MYOF: variants seen among roughly 807,000 people sequenced by gnomAD.
The protein encoded by MYOF is fer-1-like 3, myoferlin.
In MYOF, 244 loss-of-function variants were observed where a neutral mutation model predicts 284.2. The ratio of observed to expected loss-of-function variants is 0.86; its 90% CI spans 0.77 to 0.95. The LOEUF (loss-of-function observed/expected upper bound fraction) is 0.95. Among genes scored for constraint, MYOF ranks in the 40% least tolerant of loss-of-function variants. MYOF has a pLI of 0.00. For missense variants in MYOF, 2,496 were observed against 2,560.6 expected (o/e 0.97, Z 0.54); for synonymous variants, 904 against 919.7 (o/e 0.98, Z 0.31).
Position 93,422,208 on chromosome 10 carries a change from A to G in MYOF, c.433+3863T>C, listed in dbSNP as rs535965521. 5.3e-5 allele frequency among the ~76,000 whole-genome samples: 8 copies of G among 152,340 alleles called. No individual in the cohort carries two copies. The East Asian group carries it at 1.2e-3, about 22-fold the overall frequency. ...AGACACAGCTCATTTGCAGACCAAC[A>G]CTTGGTGACCTTCTTTGTTTGAAAT... On this transcript the variant is annotated intron_variant, in intron 5 of 53. Coordinates refer to ENST00000359263, the MANE Select transcript of MYOF (RefSeq NM_013451.4).
At chr10:93,312,988 GA>G in intron 51 of MYOF, 31 bp downstream of exon 51, 2 of 1,573,202 alleles carry the variant, frequency 1.3e-6, no homozygotes, top group South Asian at 2.4e-5. Flanking sequence ...AGGCATAAAC[GA>G]TTTTCAACCA....
chr10:93,338,933 AAAAC>A (rs927442440), intron 39 of MYOF, among the ~76,000 whole-genome samples: 6 of 148,094 alleles, frequency 4.1e-5, no homozygotes, highest in South Asian at 2.1e-4. Flanking sequence ...GCCAAAAAAA[AAAAC>A]AAACAAAAAA....
chr10:93,327,918 C>T (rs535882692), intron 45 of MYOF, among the ~76,000 whole-genome samples: 49 of 152,004 alleles, frequency 3.2e-4, no homozygotes, highest in Non-Finnish European at 5.7e-4. Flanking sequence ...CCACCACACC[C>T]GGCTCTTCTG....
chr10:93,360,282 C>T (rs1419210649), intron 28 of MYOF, among the ~76,000 whole-genome samples: 1 of 152,226 alleles, frequency 6.6e-6, no homozygotes, highest in African/African-American at 2.4e-5. Flanking sequence ...GAAGAAACAG[C>T]AGGTAAGCGT....
chr10:93,351,400 C>G lies in MYOF; in HGVS notation c.3822+13G>C. 1 of 1,613,320 alleles carries G rather than the reference C, an allele frequency of 6.2e-7. No individual in the cohort carries two copies. Among genetic ancestry groups the G allele is most frequent in the Middle Eastern group, 1.7e-4 (1 of 6,054 alleles). On this transcript the variant is annotated intron_variant, in intron 34 of 53. Coordinates refer to ENST00000359263, the MANE Select transcript of MYOF (RefSeq NM_013451.4). Reference sequence around the variant, plus strand: ...AGCTGACAGAATACATGAGGAAGAACACAGCAATGTACCTTGCCCCTCAGA... The same window carrying G: ...AGCTGACAGAATACATGAGGAAGAAGACAGCAATGTACCTTGCCCCTCAGA...
intron 32 of MYOF, among the ~76,000 whole-genome samples, chr10:93,353,524 A>C (rs1284487541): frequency 1.3e-5 from 2 of 152,134 alleles, no homozygotes; most frequent in Non-Finnish European, 2.9e-5. Flanking sequence ...CATGTATATA[A>C]ACAGAGATGA....
intron 29 of MYOF, among the ~76,000 whole-genome samples, chr10:93,358,396 C>T (rs1265865671): frequency 6.6e-6 from 1 of 152,182 alleles, no homozygotes; most frequent in East Asian, 1.9e-4. Context: ...TGTGGCGATT[C>T]TTCAAAGACC....
intron 3 of MYOF, among the ~76,000 whole-genome samples, chr10:93,441,173 C>A (rs2056236365): frequency 6.6e-6 from 1 of 152,210 alleles, no homozygotes; most frequent in Non-Finnish European, 1.5e-5. Context: ...AGACCACCTT[C>A]TCCCACTGTC....
At chr10:93,332,768 A>AC (rs1843384512) in intron 43 of MYOF, among the ~76,000 whole-genome samples, 1 of 151,906 alleles carries the variant, frequency 6.6e-6, no homozygotes, top group Admixed American at 6.6e-5. Flanking sequence ...AATGGCGTGA[A>AC]CCCAGGAGGC....
chr10:93,332,186 A>C (rs928982055), intron 43 of MYOF, among the ~76,000 whole-genome samples: 1 of 151,426 alleles, frequency 6.6e-6, no homozygotes, highest in African/African-American at 2.4e-5. Context: ...CCACACAGAC[A>C]CTGGGGTCAG....
intron 37 of MYOF, among the ~76,000 whole-genome samples, chr10:93,344,684 A>G (rs1183899752): frequency 4.8e-5 from 7 of 144,492 alleles, no homozygotes; most frequent in Non-Finnish European, 9.0e-5. Flanking sequence ...ATACCTATGT[A>G]ACAAACCTGC....
At chr10:93,409,530 T>C (rs1231513720) in intron 6 of MYOF, 43 bp downstream of exon 6, 4 of 1,597,450 alleles carry the variant, frequency 2.5e-6, no homozygotes, top group Middle Eastern at 1.7e-4. Flanking sequence ...AGATGGGCAA[T>C]ATAAAGATTA....
intron 48 of MYOF, among the ~76,000 whole-genome samples, 158 bp from the exon 49 acceptor site, chr10:93,320,171 G>A (rs1842793072): frequency 6.6e-6 from 1 of 152,160 alleles, no homozygotes; most frequent in South Asian, 2.1e-4. Flanking sequence ...TTTATGGAGG[G>A]GAGGTGCTCT....
rs781172109 is a variant in MYOF at position 93,364,011 on chromosome 10, G to T, written c.2818C>A (p.Arg940Ser). The T allele has an allele frequency of 6.2e-7, 1 of 1,614,170 alleles. No homozygotes were observed. The highest frequency in any genetic ancestry group is 1.1e-5 in the South Asian group (1 of 91,080). Residue 940 changes from arginine (R) to serine (S), a missense_variant, in exon 27 of 54, where the codon CGC becomes AGC. This residue lies in a region of MYOF where 2,436 missense variants were observed against 2,480.7 expected (regional missense o/e 0.98). Transcript: ENST00000359263. ...FTDEVYQNES[R>S]YPGGDWKPAE... ...GGCTTCCAGTCGCCCCCGGGGTAGC[G>T]GCTCTCGTTCTGATAGACTTCATCA...
At chr10:93,353,314 G>T (rs114068332) in intron 32 of MYOF, among the ~76,000 whole-genome samples, 1 of 152,152 alleles carries the variant, frequency 6.6e-6, no homozygotes, top group Non-Finnish European at 1.5e-5. Flanking sequence ...AGAAGAAAAA[G>T]CCTCATGGTT....
At chr10:93,337,042 T>C (rs1843648889) in intron 40 of MYOF, among the ~76,000 whole-genome samples, 1 of 151,912 alleles carries the variant, frequency 6.6e-6, no homozygotes, top group Admixed American at 6.6e-5. Flanking sequence ...TTCAGCCTCA[T>C]TGGATCATTT....
intron 1 of MYOF, among the ~76,000 whole-genome samples, chr10:93,481,627 A>G (rs2057382874): frequency 6.6e-6 from 1 of 152,204 alleles, no homozygotes; most frequent in South Asian, 2.1e-4. Context: ...GGAAAACTCA[A>G]TAAAACTATG....
intron 32 of MYOF, 92 bp downstream of exon 32, chr10:93,353,719 G>C (rs1459005616): frequency 3.7e-6 from 4 of 1,075,054 alleles, no homozygotes; most frequent in Non-Finnish European, 5.4e-6. Flanking sequence ...GGTTTTTGTT[G>C]TTAGAAATGA....
intron 51 of MYOF, among the ~76,000 whole-genome samples, chr10:93,312,793 C>T (rs1842449544): frequency 6.6e-6 from 1 of 152,070 alleles, no homozygotes; most frequent in South Asian, 2.1e-4. Flanking sequence ...TTGACCATTC[C>T]AACTTCTTCA....
Sources: allele counts gnomAD v4.1 joint callset (sites outside exome capture counted in the v4.1 genomes callset), GRCh38; gene constraint gnomAD v4.1.1; regional missense constraint gnomAD v4.1.1; transcripts MANE v1.5; gene names NCBI Gene and HGNC (gene_info 2026-07-23, HGNC 2026-07-21).